Variants in RFNG observed in about 807,000 individuals in gnomAD.
RFNG encodes beta-1,3-N-acetylglucosaminyltransferase radical fringe.
A neutral mutation model predicts 29.6 loss-of-function variants in RFNG; 37 were observed. The observed-to-expected ratio is 1.25, with a 90% confidence interval of 0.96 to 1.65. RFNG has a LOEUF of 1.65. RFNG is among the 40% of genes most tolerant of loss of function. The pLI is 0.00. For missense variants in RFNG, 546 were observed against 457.0 expected (o/e 1.19, Z -1.78); for synonymous variants, 276 against 197.3 (o/e 1.40, Z -3.34).
chr17:82,049,913 C>T lies in RFNG; in HGVS notation c.662+5G>A. 1 of 1,612,004 alleles carries T rather than the reference C, an allele frequency of 6.2e-7. No individual in the cohort carries two copies. Among genetic ancestry groups the T allele is most frequent in the Non-Finnish European group, 8.5e-7 (1 of 1,179,578 alleles). On this transcript the variant is annotated splice_donor_5th_base_variant and intron_variant, in intron 5 of 7. Coordinates refer to ENST00000310496, the MANE Select transcript of RFNG (RefSeq NM_002917.2). The stretch of plus-strand genomic sequence containing the variant: ...CCCAGCCCGGGCAGCTGGACCCCCA[C>T]TCACCTGGCCCATGGGCTCATCTTG...
Position 82,051,597 on chromosome 17 carries a change from G to A in RFNG, c.170C>T (p.Pro57Leu), listed in dbSNP as rs1188909073. The part of the protein sequence containing the change: ...PSRPAAPSLR[P>L]DDVFIAVKTT... ...CTTGACGGCGATGAAGACGTCGTCAGGCCGCAGGCTGGGGGCAGCGGGCCG... is the reference window on the plus strand; with the variant it reads ...CTTGACGGCGATGAAGACGTCGTCAAGCCGCAGGCTGGGGGCAGCGGGCCG... Residue 57 changes from proline (P) to leucine (L), a missense_variant, in exon 1 of 8, where the codon CCT becomes CTT. Pro to Leu is a moderately conservative substitution (Grantham distance 98, BLOSUM62 -3). Transcript: ENST00000310496. The surrounding 1 kb of genome is among the most constrained non-coding windows in gnomAD (Gnocchi z 4.1). The A allele has an allele frequency of 1.5e-5, 20 of 1,294,004 alleles. No individual in the cohort carries two copies. The highest frequency in any genetic ancestry group is 2.0e-5 in the Non-Finnish European group (20 of 1,020,010). The allele number at this position is 1,294,004 out of a possible 1,614,324, so 80.2% of individuals were successfully genotyped here. A position where few individuals can be genotyped will look rare whatever the true frequency, so the allele number is the denominator to read the frequency against.
At position 82,048,531 on chromosome 17, in the gene RFNG, C is replaced by T. The variant is rs2030064438; in HGVS notation, c.*195G>A. 3.4e-6 allele frequency: 2 copies of T among 596,330 alleles called. No individual in the cohort carries two copies. Among genetic ancestry groups the T allele is most frequent in the Non-Finnish European group, 6.0e-6 (2 of 333,602 alleles). 36.9% of individuals were successfully genotyped at this position (596,330 alleles called of 1,614,324 possible). On this transcript the variant is annotated 3_prime_UTR_variant, in exon 8 of 8. Transcript: ENST00000310496. The stretch of plus-strand genomic sequence containing the variant: ...GGCCATCAGCCTGGCTGTCTTCGTT[C>T]TCCCAAAACACCCATCACCGCAGCC...
chr17:82,049,087 G>A lies in RFNG; in HGVS notation c.858C>T (p.Asn286=), dbSNP rs775279163. 6 of 1,613,408 alleles carry A rather than the reference G, an allele frequency of 3.7e-6. 1 individual carries two copies. Among genetic ancestry groups the A allele is most frequent in the Non-Finnish European group, 1.7e-6 (2 of 1,179,874 alleles). The change falls in exon 7 of 8, where the codon AAC becomes AAT. Residue 286 remains asparagine (N), a synonymous_variant. Transcript: ENST00000310496. The part of the protein sequence containing the change: ...QVTLSHGGPE[N]PHNVVNVAGG... ...CAGCCACGTTCACCACGTTATGTGG[G>A]TTCTCAGGACCCCCATGGCTCAAGG...
chr17:82,051,639 GGGGCCGGGGCGGGGGTCC>G lies in RFNG; in HGVS notation c.110_127del (p.Arg37_Ala42del), dbSNP rs774584429. On this transcript the variant is annotated inframe_deletion, in exon 1 of 8. Transcript: ENST00000310496. The surrounding 1 kb of genome is among the most constrained non-coding windows in gnomAD (Gnocchi z 4.1). ...AGCGGGCCGGGACGGGGGCGCGCGCGGGGCCGGGGCGGGGGTCCGGGCCGGGGCGGGCGCGCGGGGCAG... is the reference window on the plus strand; with the variant it reads ...AGCGGGCCGGGACGGGGGCGCGCGCGGGGCCGGGGCGGGCGCGCGGGGCAG... 931 of 1,098,816 alleles carry G rather than the reference GGGGCCGGGGCGGGGGTCC, an allele frequency of 8.5e-4. 8 individuals carry two copies. In the South Asian group the frequency reaches 0.017, roughly 20 times the overall value. 68.1% of individuals were successfully genotyped at this position (1,098,816 alleles called of 1,614,324 possible).
chr17:82,051,350 A>T lies in RFNG; in HGVS notation c.268-8T>A, dbSNP rs1462504825. 1.4e-6 allele frequency: 2 copies of T among 1,466,864 alleles called. No homozygotes were observed. The highest frequency in any genetic ancestry group is 1.8e-6 in the Non-Finnish European group (2 of 1,119,250). The allele number at this position is 1,466,864 out of a possible 1,614,324, so 90.9% of individuals were successfully genotyped here. A position where few individuals can be genotyped will look rare whatever the true frequency, so the allele number is the denominator to read the frequency against. On this transcript the variant is annotated splice_polypyrimidine_tract_variant and splice_region_variant and intron_variant, in intron 1 of 7. Coordinates refer to ENST00000310496, the MANE Select transcript of RFNG (RefSeq NM_002917.2). This position sits in a 1 kb window ranked among gnomAD's most constrained non-coding sequence, Gnocchi z 4.1. Reference sequence around the variant, plus strand: ...GTCGGTGAAGATAAACGTCTGGGGGAGAAACAATCTATGAGGCTTCTGGGG... The same window carrying T: ...GTCGGTGAAGATAAACGTCTGGGGGTGAAACAATCTATGAGGCTTCTGGGG...
rs770415201 is a variant in RFNG at position 82,049,907 on chromosome 17, C to T, written c.662+11G>A. 17 of 1,611,586 alleles carry T rather than the reference C, an allele frequency of 1.1e-5. No individual in the cohort carries two copies. The highest frequency in any genetic ancestry group is 2.7e-5 in the African/African-American group (2 of 74,920). On this transcript the variant is annotated intron_variant, in intron 5 of 7. Transcript: ENST00000310496. The stretch of plus-strand genomic sequence containing the variant: ...CCGCCTCCCAGCCCGGGCAGCTGGA[C>T]CCCCACTCACCTGGCCCATGGGCTC...
Position 82,048,710 on chromosome 17 carries a change from G to T in RFNG, c.*16C>A, listed in dbSNP as rs745587183. On this transcript the variant is annotated 3_prime_UTR_variant, in exon 8 of 8. Transcript: ENST00000310496. ...CTGGGACAGAGCCAGGCAGCCCTGG[G>T]TCGGGGTGGTTGGTGTCACCGAGAG... 1.2e-6 allele frequency: 2 copies of T among 1,608,468 alleles called. No individual in the cohort carries two copies. Among genetic ancestry groups the T allele is most frequent in the Non-Finnish European group, 1.7e-6 (2 of 1,176,794 alleles).
chr17:82,050,694 C>T lies in RFNG; in HGVS notation c.387G>A (p.Val129=). 1.9e-6 allele frequency: 3 copies of T among 1,613,288 alleles called. No homozygotes were observed. Among genetic ancestry groups the T allele is most frequent in the Non-Finnish European group, 2.5e-6 (3 of 1,179,960 alleles). The part of the protein sequence containing the change: ...TRQALCCKMS[V]EYDKFIESGR... Reference sequence around the variant, plus strand: ...CGGACTCAATGAACTTGTCATACTCCACGGACATCTTGCAGCAGAGGGCCT... The same window carrying T: ...CGGACTCAATGAACTTGTCATACTCTACGGACATCTTGCAGCAGAGGGCCT... The change falls in exon 3 of 8, where the codon GTG becomes GTA. Residue 129 remains valine (V), a synonymous_variant. Coordinates refer to ENST00000310496, the MANE Select transcript of RFNG (RefSeq NM_002917.2).
chr17:82,050,480 G>A lies in RFNG; in HGVS notation c.495C>T (p.Pro165=), dbSNP rs767289236. 24 of 1,612,868 alleles carry A rather than the reference G, an allele frequency of 1.5e-5. No individual in the cohort carries two copies. The South Asian group carries it at 1.9e-4, about 13-fold the overall frequency. Residue 165 remains proline, a synonymous_variant, in exon 4 of 8, where the codon CCC becomes CCT. Coordinates refer to ENST00000310496, the MANE Select transcript of RFNG (RefSeq NM_002917.2). ...GCCGCCCCAGGTAGACGTCCTGGCT[G>A]GGTGAGAAGCTGGAGAGCAGGTGCA... The part of the protein sequence containing the change: ...SLLHLLSSFS[P]SQDVYLGRPS...
intron 6 of RFNG, chr17:82,049,339 C>A (rs567396896): frequency 4.3e-6 from 3 of 700,038 alleles, no homozygotes; most frequent in South Asian, 1.5e-5. Flanking sequence ...ACCTCCAGGG[C>A]AAAGCTGACC....
intron 6 of RFNG, 75 bp downstream of exon 6, chr17:82,049,602 G>A: frequency 6.9e-7 from 1 of 1,450,158 alleles, no homozygotes. Context: ...CATCGGGCCG[G>A]GGCAGTGGGG....
At position 82,050,474 on chromosome 17, in the gene RFNG, C is replaced by T. The variant is rs763725892; in HGVS notation, c.501G>A (p.Gln167=). The change falls in exon 4 of 8, where the codon CAG becomes CAA. Residue 167 remains glutamine (Q), a synonymous_variant. Transcript: ENST00000310496. ...LHLLSSFSPS[Q]DVYLGRPSLD... is the part of the protein sequence containing the mutation. Reference sequence around the variant, plus strand: ...GGCTGGGCCGCCCCAGGTAGACGTCCTGGCTGGGTGAGAAGCTGGAGAGCA... The same window carrying T: ...GGCTGGGCCGCCCCAGGTAGACGTCTTGGCTGGGTGAGAAGCTGGAGAGCA... 2.5e-6 allele frequency: 4 copies of T among 1,612,868 alleles called. No homozygotes were observed. Among genetic ancestry groups the T allele is most frequent in the African/African-American group, 1.3e-5 (1 of 74,912 alleles).
intron 2 of RFNG, 136 bp from the exon 3 acceptor site, chr17:82,050,900 C>T: frequency 7.1e-7 from 1 of 1,417,354 alleles, no homozygotes; most frequent in Non-Finnish European, 9.4e-7. Flanking sequence ...CTGGGTCCAA[C>T]CACAGCCCTA....
In RFNG at chr17:82,048,342, T is replaced by G. The variant is rs997874953; in HGVS notation, c.*384A>C. On this transcript the variant is annotated 3_prime_UTR_variant, in exon 8 of 8. Coordinates refer to ENST00000310496, the MANE Select transcript of RFNG (RefSeq NM_002917.2). ...CCGTGGCTGGGCCAGGACCTTGGCC[T>G]GGAGCCTGCTCCTTGACACCCAGCC... 3 of 270,614 alleles carry G rather than the reference T, an allele frequency of 1.1e-5. No homozygotes were observed. The highest frequency in any genetic ancestry group is 1.5e-5 in the Non-Finnish European group (2 of 137,034). The allele number at this position is 270,614 out of a possible 1,614,324, so 16.8% of individuals were successfully genotyped here. A position where few individuals can be genotyped will look rare whatever the true frequency, so the allele number is the denominator to read the frequency against.
At chr17:82,050,601 A>T (rs760378308) in intron 3 of RFNG, 46 bp from the exon 4 acceptor site, 1 of 1,608,128 alleles carries the variant, frequency 6.2e-7, no homozygotes, top group Non-Finnish European at 8.5e-7. Context: ...GCATGGCTGG[A>T]CAGGAGGCCC....
rs2030075514 is a variant in RFNG, at chr17:82,048,738, CG to C, written c.983del (p.Pro328ArgfsTer92). ...GGGGTGGTTGGTGTCACCGAGAGGT[CG>C]GGGCGCCCTGTTTCTGCCTGGGACA... ...DWCPRQKQGA[P>X]TSR On this transcript the variant is annotated frameshift_variant, in exon 8 of 8. Transcript: ENST00000310496. LOFTEE classifies it high-confidence loss of function. 6 of 1,612,850 alleles carry C rather than the reference CG, an allele frequency of 3.7e-6. No individual in the cohort carries two copies. The highest frequency in any genetic ancestry group is 4.2e-6 in the Non-Finnish European group (5 of 1,179,764).
Position 82,051,634 on chromosome 17 carries a change from C to T in RFNG, c.133G>A (p.Ala45Thr). The T allele has an allele frequency of 9.1e-7, 1 of 1,098,518 alleles. No individual in the cohort carries two copies. The highest frequency in any genetic ancestry group is 1.1e-6 in the Non-Finnish European group (1 of 899,506). 68.0% of individuals were successfully genotyped at this position (1,098,518 alleles called of 1,614,324 possible). The stretch of plus-strand genomic sequence containing the variant: ...GGGGCAGCGGGCCGGGACGGGGGCG[C>T]GCGCGGGGCCGGGGCGGGGGTCCGG... The part of the protein sequence containing the change: ...PARTPAPAPR[A>T]PPSRPAAPSL... The change falls in exon 1 of 8, where the codon GCG becomes ACG. Residue 45 changes from alanine (A) to threonine (T), a missense_variant. Physicochemically the swap from Ala to Thr is moderately conservative, Grantham distance 58. Transcript: ENST00000310496. The surrounding 1 kb of genome is among the most constrained non-coding windows in gnomAD (Gnocchi z 4.1).
At chr17:82,050,120 T>TTCTTGGAGCAG (rs1175243401) in intron 4 of RFNG, 114 bp from the exon 5 acceptor site, 28 of 972,846 alleles carry the variant, frequency 2.9e-5, no homozygotes, top group Non-Finnish European at 4.4e-5. Context: ...CCCACCCAGG[T>TTCTTGGAGCAG]AACAGAAGCT....
At position 82,051,098 on chromosome 17, in the gene RFNG, G is replaced by C. The variant is rs960774989; in HGVS notation, c.316+196C>G. On this transcript the variant is annotated intron_variant, in intron 2 of 7. Coordinates refer to ENST00000310496, the MANE Select transcript of RFNG (RefSeq NM_002917.2). This position sits in a 1 kb window ranked among gnomAD's most constrained non-coding sequence, Gnocchi z 4.1. ...GCCCCGGGAAGCGGCTAGTGTGAGA[G>C]GCTGGTGGGGAGCAGAGCTTGGCTG... is the stretch of plus-strand genomic sequence containing the variant. The C allele has an allele frequency of 5.1e-6, 7 of 1,359,946 alleles. No homozygotes were observed. The highest frequency in any genetic ancestry group is 5.6e-6 in the Non-Finnish European group (6 of 1,062,110). 84.2% of individuals were successfully genotyped at this position (1,359,946 alleles called of 1,614,324 possible). A position where few individuals can be genotyped will look rare whatever the true frequency, so the allele number is the denominator to read the frequency against.
Sources: allele counts gnomAD v4.1 joint callset, GRCh38; gene constraint gnomAD v4.1.1; non-coding constraint Gnocchi (gnomAD v3.1); transcripts MANE v1.5; gene names NCBI Gene and HGNC (gene_info 2026-07-23, HGNC 2026-07-21).